Variants in RIMS1 observed in about 807,000 individuals in gnomAD.
RIMS1 encodes regulating synaptic membrane exocytosis 1, also known as regulating synaptic membrane exocytosis protein 1.
A neutral mutation model predicts 214.1 loss-of-function variants in RIMS1; 83 were observed. The ratio of observed to expected loss-of-function variants is 0.39; its 90% confidence interval spans 0.32 to 0.47. The LOEUF is 0.47. Among genes scored for constraint, RIMS1 ranks in the 20% least tolerant of loss-of-function variants. The pLI is 0.99. For synonymous variants in RIMS1, 793 were observed against 786.8 expected (o/e 1.01, Z -0.13); for missense variants, 2,050 against 2,161.8 (o/e 0.95, Z 1.03).
chr6:72,391,972 TA>T (rs1171393850), intron 30 of RIMS1, among the ~76,000 whole-genome samples: 1 of 152,196 alleles, frequency 6.6e-6, no homozygotes, highest in Non-Finnish European at 1.5e-5. Flanking sequence ...TTTCCTTGGT[TA>T]AAAGAAATAA....
intron 28 of RIMS1, among the ~76,000 whole-genome samples, chr6:72,324,524 G>A (rs190343792): frequency 2.0e-4 from 30 of 151,922 alleles, no homozygotes; most frequent in African/African-American, 6.5e-4. Flanking sequence ...CAGATGGGAT[G>A]ACTACAAATA....
chr6:72,057,315 A>G (rs929521627), intron 2 of RIMS1, among the ~76,000 whole-genome samples: 1 of 152,302 alleles, frequency 6.6e-6, no homozygotes, highest in East Asian at 1.9e-4. Flanking sequence ...AGGAGAATGG[A>G]TGCTACCACG....
intron 4 of RIMS1, among the ~76,000 whole-genome samples, chr6:72,117,825 T>A (rs1459542321): frequency 6.6e-6 from 1 of 151,840 alleles, no homozygotes; most frequent in Non-Finnish European, 1.5e-5. Flanking sequence ...TCAAAAAGTC[T>A]GAAATACCAC....
chr6:72,079,108 A>G (rs1441700513), intron 2 of RIMS1, among the ~76,000 whole-genome samples: 1 of 152,106 alleles, frequency 6.6e-6, no homozygotes, highest in Non-Finnish European at 1.5e-5. Flanking sequence ...ATTTAATATA[A>G]CCTCTACCTT....
At chr6:72,291,805 T>G in intron 25 of RIMS1, 129 bp from the exon 26 acceptor site, 1 of 723,332 alleles carries the variant, frequency 1.4e-6, no homozygotes, top group Non-Finnish European at 2.5e-6. Context: ...AAAAAGTGTT[T>G]GATTCTGCTC....
At position 72,397,012 on chromosome 6, in the gene RIMS1, C is replaced by CAAAT. The variant is rs530605359; in HGVS notation, c.4619-1217_4619-1214dup. On this transcript the variant is annotated intron_variant, in intron 31 of 33. Coordinates refer to ENST00000521978, the MANE Select transcript of RIMS1 (RefSeq NM_014989.7). The stretch of plus-strand genomic sequence containing the variant: ...TGGACGACAGAGCAAGCCTCTGTCT[C>CAAAT]AAATAAATAAATAAATAAATAAAGC... Among the ~76,000 whole-genome samples, 670 of 151,324 alleles carry CAAAT rather than the reference C, an allele frequency of 4.4e-3. 3 individuals carry two copies. Among genetic ancestry groups the CAAAT allele is most frequent in the African/African-American group, 0.013 (525 of 41,144 alleles).
intron 31 of RIMS1, among the ~76,000 whole-genome samples, chr6:72,394,049 A>G (rs934671083): frequency 1.3e-5 from 2 of 151,840 alleles, no homozygotes; most frequent in South Asian, 4.1e-4. Flanking sequence ...AAAAGATGGA[A>G]CCAAAAAACA....
intron 2 of RIMS1, among the ~76,000 whole-genome samples, chr6:72,085,656 G>T (rs1562277151): frequency 1.3e-5 from 2 of 152,020 alleles, no homozygotes; most frequent in Non-Finnish European, 2.9e-5. Flanking sequence ...TGGATAATTT[G>T]CACCAGAACT....
At chr6:72,045,057 G>T (rs891465860) in intron 2 of RIMS1, among the ~76,000 whole-genome samples, 1 of 151,706 alleles carries the variant, frequency 6.6e-6, no homozygotes, top group Non-Finnish European at 1.5e-5. Context: ...CAACACTGAC[G>T]AATATCAAAA....
At chr6:72,107,994 T>G (rs1357025734) in intron 4 of RIMS1, among the ~76,000 whole-genome samples, 1 of 152,016 alleles carries the variant, frequency 6.6e-6, no homozygotes, top group Non-Finnish European at 1.5e-5. Context: ...TGTTTTTTTG[T>G]TTGTTTGTTT....
chr6:72,379,984 A>C (rs1375027795), intron 29 of RIMS1, among the ~76,000 whole-genome samples: 1 of 152,196 alleles, frequency 6.6e-6, no homozygotes, highest in African/African-American at 2.4e-5. Context: ...AATAGCAAAG[A>C]CTTGGAACCA....
intron 24 of RIMS1, among the ~76,000 whole-genome samples, chr6:72,289,127 C>T (rs1228244949): frequency 6.6e-6 from 1 of 152,202 alleles, no homozygotes. Flanking sequence ...TCTTTTAGTG[C>T]TTGTGAATTG....
chr6:72,145,121 A>C (rs1284520133), intron 4 of RIMS1, among the ~76,000 whole-genome samples: 1 of 152,182 alleles, frequency 6.6e-6, no homozygotes, highest in Non-Finnish European at 1.5e-5. Flanking sequence ...TATTTGCATA[A>C]AGTGCAGCAA....
chr6:72,313,113 C>T (rs1242594339), intron 27 of RIMS1, among the ~76,000 whole-genome samples: 1 of 152,016 alleles, frequency 6.6e-6, no homozygotes. Context: ...TAGGAATGCT[C>T]AGCCTATACT....
intron 2 of RIMS1, among the ~76,000 whole-genome samples, chr6:72,077,713 A>G (rs751260698): frequency 1.3e-5 from 2 of 152,228 alleles, no homozygotes; most frequent in Non-Finnish European, 2.9e-5. Flanking sequence ...AACATTCTCT[A>G]AAGTCCTAAG....
intron 22 of RIMS1, 137 bp from the exon 23 acceptor site, chr6:72,274,212 G>C: frequency 1.8e-6 from 1 of 545,710 alleles, no homozygotes; most frequent in South Asian, 3.0e-5. Context: ...TAACAGTGAA[G>C]ATTTTAAATT....
intron 2 of RIMS1, among the ~76,000 whole-genome samples, chr6:72,016,873 G>A (rs1011736786): frequency 6.6e-6 from 1 of 152,118 alleles, no homozygotes; most frequent in African/African-American, 2.4e-5. Flanking sequence ...AAACATTCTG[G>A]GTAGTCAGTT....
chr6:72,152,163 T>C (rs2043695628), intron 4 of RIMS1, among the ~76,000 whole-genome samples: 1 of 152,214 alleles, frequency 6.6e-6, no homozygotes, highest in South Asian at 2.1e-4. Context: ...ATCCAAACTA[T>C]ATCACATGGG....
At chr6:72,169,768 G>A (rs775372523) in intron 4 of RIMS1, among the ~76,000 whole-genome samples, 6 of 152,124 alleles carry the variant, frequency 3.9e-5, no homozygotes, top group Admixed American at 1.3e-4. Flanking sequence ...ACAAAAATTA[G>A]CTGAGCGTGG....
Sources: allele counts gnomAD v4.1 joint callset (sites outside exome capture counted in the v4.1 genomes callset), GRCh38; gene constraint gnomAD v4.1.1; transcripts MANE v1.5; gene names NCBI Gene and HGNC (gene_info 2026-07-23, HGNC 2026-07-21).